Variants in ARHGAP6 observed in about 807,000 individuals in gnomAD.
ARHGAP6 encodes Rho GTPase activating protein 6, also known as rho GTPase-activating protein 6.
Under a neutral mutation model 55.7 loss-of-function variants are expected in ARHGAP6, and 16 were observed. The observed-to-expected ratio is 0.29, with a 90% CI of 0.19 to 0.44. ARHGAP6 has a LOEUF of 0.44. Ranked by LOEUF, ARHGAP6 falls within the 20% of genes least tolerant of loss-of-function variation. The pLI, the probability that ARHGAP6 is intolerant of heterozygous loss-of-function variation, is 1.00. For synonymous variants in ARHGAP6, 382 were observed against 360.9 expected (o/e 1.06, Z -0.66); for missense variants, 698 against 808.9 (o/e 0.86, Z 1.66).
Position 11,138,031 on chromosome X carries a change from T to G in ARHGAP6, c.*832A>C, listed in dbSNP as rs1157244964. ...TGTAGTTTTGAAAAATACATAAAAATTATACATTATAAATATATATTATAT... is the reference window on the plus strand; with the variant it reads ...TGTAGTTTTGAAAAATACATAAAAAGTATACATTATAAATATATATTATAT... On this transcript the variant is annotated 3_prime_UTR_variant, in exon 13 of 13. Transcript: ENST00000337414. 8.9e-6 allele frequency: 1 copy of G among 111,805 alleles called. No homozygotes were observed. The highest frequency in any genetic ancestry group is 3.3e-5 in the African/African-American group (1 of 30,723). 9.2% of individuals were successfully genotyped at this position (111,805 alleles called of 1,213,427 possible). A position where few individuals can be genotyped will look rare whatever the true frequency, so the allele number is the denominator to read the frequency against.
chrX:11,456,517 A>C (rs1339473582), intron 1 of ARHGAP6, among the ~76,000 whole-genome samples: 1 of 111,905 alleles, frequency 8.9e-6, no homozygotes, highest in Non-Finnish European at 1.9e-5. Context: ...CATATTGGTG[A>C]AATTGTGATA....
intron 1 of ARHGAP6, among the ~76,000 whole-genome samples, chrX:11,661,895 G>T (rs1203827739): frequency 8.9e-6 from 1 of 112,004 alleles, no homozygotes; most frequent in Non-Finnish European, 1.9e-5. Context: ...TTGTCACACT[G>T]GTCTGGAGGA....
intron 2 of ARHGAP6, among the ~76,000 whole-genome samples, chrX:11,248,018 T>C (rs1176198500): frequency 8.9e-6 from 1 of 111,981 alleles, no homozygotes; most frequent in African/African-American, 3.2e-5. Flanking sequence ...CTCAAAAGCA[T>C]TTTCAAAAGT....
At chrX:11,509,092 G>A (rs139621595) in intron 1 of ARHGAP6, among the ~76,000 whole-genome samples, 1,157 of 111,568 alleles carry the variant, frequency 0.01, 3 homozygotes, top group Non-Finnish European at 0.017. Context: ...ACAAGTGATC[G>A]ATCTACTTAC....
chrX:11,397,587 A>G (rs1389180974), intron 1 of ARHGAP6, among the ~76,000 whole-genome samples: 2 of 111,967 alleles, frequency 1.8e-5, no homozygotes, highest in African/African-American at 6.5e-5. Flanking sequence ...CTGTATGAAA[A>G]TATCCTGCAA....
intron 1 of ARHGAP6, among the ~76,000 whole-genome samples, chrX:11,497,907 C>T (rs533209795): frequency 3.6e-5 from 4 of 110,638 alleles, no homozygotes; most frequent in East Asian, 5.7e-4. Flanking sequence ...TTCTTCCATG[C>T]GGGTATAATC....
intron 1 of ARHGAP6, among the ~76,000 whole-genome samples, chrX:11,532,964 A>G (rs771815740): frequency 8.9e-6 from 1 of 112,299 alleles, no homozygotes. Context: ...GGACTCTTAC[A>G]TAAGAGAGAA....
chrX:11,552,601 GACACAC>G (rs769582716), intron 1 of ARHGAP6, among the ~76,000 whole-genome samples: 3 of 35,937 alleles, frequency 8.3e-5, no homozygotes, highest in East Asian at 9.5e-4. Context: ...TATATATATA[GACACAC>G]ACACACACAC....
At chrX:11,261,521 T>C (rs1280002054) in intron 1 of ARHGAP6, among the ~76,000 whole-genome samples, 1 of 111,999 alleles carries the variant, frequency 8.9e-6, no homozygotes, top group African/African-American at 3.2e-5. Flanking sequence ...GAAGGCTTTC[T>C]GAATCTAGTC....
At chrX:11,206,341 A>G (rs2046704187) in intron 2 of ARHGAP6, among the ~76,000 whole-genome samples, 1 of 112,394 alleles carries the variant, frequency 8.9e-6, no homozygotes, top group Admixed American at 9.5e-5. Context: ...ACCCAAGTCT[A>G]TTTTGGAAAA....
chrX:11,389,667 G>T (rs745605814), intron 1 of ARHGAP6, among the ~76,000 whole-genome samples: 6 of 112,010 alleles, frequency 5.4e-5, no homozygotes, highest in Non-Finnish European at 9.4e-5. Flanking sequence ...CATTTGTAGG[G>T]GAAAAAAAGG....
At chrX:11,397,725 C>A (rs1156326829) in intron 1 of ARHGAP6, among the ~76,000 whole-genome samples, 1 of 110,604 alleles carries the variant, frequency 9.0e-6, no homozygotes, top group Non-Finnish European at 1.9e-5. Context: ...AAAATACAAA[C>A]ACAAAAAATT....
intron 1 of ARHGAP6, chrX:11,427,663 G>A: frequency 1.7e-5 from 14 of 841,601 alleles, no homozygotes; most frequent in South Asian, 6.4e-5. Flanking sequence ...TGAGTTCCCC[G>A]CACTTCACTG....
chrX:11,539,288 C>A (rs780079230), intron 1 of ARHGAP6, among the ~76,000 whole-genome samples: 3 of 112,118 alleles, frequency 2.7e-5, no homozygotes, highest in Non-Finnish European at 1.9e-5. Context: ...TGGTTGAGAA[C>A]CACTGCTATA....
At chrX:11,346,719 AAAAGAAAGAAAG>A (rs74803792) in intron 1 of ARHGAP6, among the ~76,000 whole-genome samples, 39 of 92,387 alleles carry the variant, frequency 4.2e-4, no homozygotes, top group African/African-American at 5.4e-4. Context: ...AAGAAGAAAG[AAAAGAAAGAAAG>A]AAAGAAAGAA....
At position 11,298,264 on chromosome X, in the gene ARHGAP6, G is replaced by A. The variant is rs431825177; in HGVS notation, c.589-43557C>T. The A allele has an allele frequency of 2.1e-5, 25 of 1,209,054 alleles. No homozygotes were observed. Among genetic ancestry groups the A allele is most frequent in the Non-Finnish European group, 2.8e-5 (25 of 894,442 alleles). On this transcript the variant is annotated intron_variant, in intron 1 of 12. Coordinates refer to ENST00000337414, the MANE Select transcript of ARHGAP6 (RefSeq NM_013427.3). The stretch of plus-strand genomic sequence containing the variant: ...CTTACCCCTTTGAAGTGGTACCAGA[G>A]CATAAGGCCACCGGTATGTAGACAT...
chrX:11,188,590 T>C, intron 4 of ARHGAP6, 138 bp downstream of exon 4: 1 of 933,389 alleles, frequency 1.1e-6, no homozygotes, highest in Non-Finnish European at 1.5e-6. Context: ...CAGTGCACAT[T>C]CTTCATTAAT....
intron 1 of ARHGAP6, among the ~76,000 whole-genome samples, chrX:11,615,060 C>T (rs2052147443): frequency 9.0e-6 from 1 of 111,073 alleles, no homozygotes; most frequent in African/African-American, 3.3e-5. Context: ...CTCCTTCTCC[C>T]AAGAATTGGC....
intron 1 of ARHGAP6, among the ~76,000 whole-genome samples, chrX:11,634,300 A>T (rs1159513934): frequency 8.9e-6 from 1 of 111,900 alleles, no homozygotes; most frequent in Non-Finnish European, 1.9e-5. Context: ...TTAAAATCAC[A>T]AAGAGATACT....
Sources: allele counts gnomAD v4.1 joint callset (sites outside exome capture counted in the v4.1 genomes callset), GRCh38; gene constraint gnomAD v4.1.1; transcripts MANE v1.5; gene names NCBI Gene and HGNC (gene_info 2026-07-23, HGNC 2026-07-21).